Variants in SLC4A10 observed in about 807,000 individuals in gnomAD.
SLC4A10 encodes sodium-driven chloride bicarbonate exchanger.
SLC4A10 carries 42 observed loss-of-function variants against 137.7 expected under a neutral mutation model. The ratio of observed to expected loss-of-function variants is 0.30; its 90% CI spans 0.24 to 0.39. The LOEUF (loss-of-function observed/expected upper bound fraction) is 0.39. Among genes scored for constraint, SLC4A10 ranks in the 10% least tolerant of loss-of-function variants. SLC4A10 has a pLI of 1.00. For missense variants in SLC4A10, 925 were observed against 1,355.0 expected, an observed-to-expected ratio of 0.68 and a Z score of 4.98; for synonymous variants, 474 against 464.1, an observed-to-expected ratio of 1.02 and a Z score of -0.27.
At chr2:161,687,480 A>G (rs772974462) in intron 1 of SLC4A10, among the ~76,000 whole-genome samples, 6 of 152,196 alleles carry the variant, frequency 3.9e-5, no homozygotes. Flanking sequence ...TAATTCAGCC[A>G]ATGTTTTTCA....
At chr2:161,974,137 G>T (rs985973510) in intron 23 of SLC4A10, 112 bp from the exon 24 acceptor site, 28 of 785,778 alleles carry the variant, frequency 3.6e-5, no homozygotes, top group Non-Finnish European at 5.3e-5. Flanking sequence ...TGCAAACAGA[G>T]TGGAAGGTCT....
chr2:161,938,788 T>A (rs1692099013), intron 15 of SLC4A10, among the ~76,000 whole-genome samples: 1 of 151,170 alleles, frequency 6.6e-6, no homozygotes, highest in East Asian at 1.9e-4. Flanking sequence ...GAAAGCAAAC[T>A]TAGGGCTGAC....
intron 6 of SLC4A10, among the ~76,000 whole-genome samples, chr2:161,867,456 T>G (rs992781787): frequency 2.8e-4 from 43 of 152,014 alleles, no homozygotes; most frequent in African/African-American, 2.4e-5. Flanking sequence ...TTGTGTATAT[T>G]AAATAATTAA....
chr2:161,806,519 T>A (rs1004051892), intron 3 of SLC4A10, among the ~76,000 whole-genome samples: 3 of 152,178 alleles, frequency 2.0e-5, no homozygotes, highest in Admixed American at 6.6e-5. Context: ...GCTTTGCTGC[T>A]TAGAAATTTC....
At chr2:161,799,904 C>T (rs2055186198) in intron 2 of SLC4A10, among the ~76,000 whole-genome samples, 1 of 152,012 alleles carries the variant, frequency 6.6e-6, no homozygotes, top group Middle Eastern at 3.4e-3. Flanking sequence ...ACTATATAAA[C>T]TCTTTATATA....
intron 1 of SLC4A10, among the ~76,000 whole-genome samples, chr2:161,683,335 A>G (rs1268984331): frequency 1.3e-5 from 2 of 152,212 alleles, no homozygotes; most frequent in African/African-American, 4.8e-5. Flanking sequence ...TGTTTAATAA[A>G]TGAATATATA....
intron 23 of SLC4A10, among the ~76,000 whole-genome samples, chr2:161,968,324 C>G (rs1227855466): frequency 6.6e-6 from 1 of 152,092 alleles, no homozygotes; most frequent in African/African-American, 2.4e-5. Context: ...TCTCATAGGG[C>G]AGAGAACATA....
intron 15 of SLC4A10, among the ~76,000 whole-genome samples, chr2:161,939,645 C>T (rs558323367): frequency 1.3e-5 from 2 of 152,220 alleles, no homozygotes; most frequent in South Asian, 2.1e-4. Context: ...CCCCCAACTC[C>T]GTTGTAGCGG....
chr2:161,835,520 G>A (rs1282244424), intron 3 of SLC4A10, among the ~76,000 whole-genome samples: 1 of 152,224 alleles, frequency 6.6e-6, no homozygotes, highest in East Asian at 1.9e-4. Context: ...CTATGAGGAT[G>A]AGCTTCCTGG....
At chr2:161,780,642 T>C (rs1254915141) in intron 2 of SLC4A10, among the ~76,000 whole-genome samples, 1 of 152,086 alleles carries the variant, frequency 6.6e-6, no homozygotes, top group Non-Finnish European at 1.5e-5. Context: ...GAGCGGCTCA[T>C]ATAAATCAAT....
At chr2:161,758,113 A>G (rs1441668486) in intron 1 of SLC4A10, among the ~76,000 whole-genome samples, 1 of 151,894 alleles carries the variant, frequency 6.6e-6, no homozygotes, top group African/African-American at 2.4e-5. Flanking sequence ...TATAATTAAG[A>G]AAGTTATTTT....
At position 161,907,464 on chromosome 2, in the gene SLC4A10, T is replaced by C. The variant is rs757849594; in HGVS notation, c.1997+1577T>C. On this transcript the variant is annotated intron_variant, in intron 15 of 26. Transcript: ENST00000446997. ...CAAATCTACTACATGCCAGGCACTA[T>C]ACTAGGTGCTAGGAAAACCATGGTG... Among the ~76,000 whole-genome samples the C allele has an allele frequency of 1.8e-4, 27 of 152,336 alleles. 1 individual carries two copies. Among genetic ancestry groups the C allele is most frequent in the South Asian group, 1.2e-3 (6 of 4,826 alleles).
In SLC4A10 at chr2:161,638,683, T is replaced by G. The variant is rs565052523; in HGVS notation, c.48+14117T>G. On this transcript the variant is annotated intron_variant, in intron 1 of 26. Coordinates refer to ENST00000446997, the MANE Select transcript of SLC4A10 (RefSeq NM_001178015.2). ...ACTGTCATTGGTATTTTGATAGGGA[T>G]TACATTAATTCTGTAGATTGCTTTG... Among the ~76,000 whole-genome samples, 16 of 152,218 alleles carry G rather than the reference T, an allele frequency of 1.1e-4. 1 individual carries two copies. The highest frequency in any genetic ancestry group is 3.8e-4 in the African/African-American group (16 of 41,574).
At chr2:161,788,885 G>A (rs564465785) in intron 2 of SLC4A10, among the ~76,000 whole-genome samples, 8 of 152,290 alleles carry the variant, frequency 5.3e-5, no homozygotes, top group African/African-American at 1.9e-4. Flanking sequence ...AGTGCAATCA[G>A]GTCAGCCCTC....
chr2:161,683,900 C>G (rs1369436299), intron 1 of SLC4A10, among the ~76,000 whole-genome samples: 1 of 152,028 alleles, frequency 6.6e-6, no homozygotes, highest in Non-Finnish European at 1.5e-5. Context: ...CTAAGATTTA[C>G]CATTATAAAC....
chr2:161,889,414 G>T (rs1003563044), intron 10 of SLC4A10, among the ~76,000 whole-genome samples: 1 of 152,016 alleles, frequency 6.6e-6, no homozygotes, highest in African/African-American at 2.4e-5. Context: ...TCTGGTGCTG[G>T]GCTTTTTTTG....
chr2:161,732,658 A>C (rs1227811922), intron 1 of SLC4A10, among the ~76,000 whole-genome samples: 2 of 152,206 alleles, frequency 1.3e-5, no homozygotes, highest in Non-Finnish European at 2.9e-5. Flanking sequence ...AAAATGTTGA[A>C]GCAACTTTGG....
At chr2:161,730,078 C>T (rs1023860086) in intron 1 of SLC4A10, among the ~76,000 whole-genome samples, 1 of 152,078 alleles carries the variant, frequency 6.6e-6, no homozygotes, top group Non-Finnish European at 1.5e-5. Context: ...GCATTTTAGC[C>T]TCAGGTCTAA....
chr2:161,711,590 C>A (rs150802802), intron 1 of SLC4A10, among the ~76,000 whole-genome samples: 1 of 151,762 alleles, frequency 6.6e-6, no homozygotes, highest in Non-Finnish European at 1.5e-5. Flanking sequence ...GGAGAAGATG[C>A]AAAGCCCTTG....
Sources: gnomAD v4.1 joint callset for allele counts (sites outside exome capture counted in the v4.1 genomes callset) on GRCh38, gnomAD v4.1.1 for gene constraint, MANE v1.5 for transcripts, NCBI Gene and HGNC (gene_info 2026-07-23, HGNC 2026-07-21) for gene names.